The following NFIB variants were observed in gnomAD, a reference collection of about 807,000 sequenced individuals.
The protein encoded by NFIB is nuclear factor 1 B-type.
NFIB carries 11 observed loss-of-function variants against 61.5 expected under a neutral mutation model. The ratio of observed to expected loss-of-function variants is 0.18; its 90% confidence interval spans 0.11 to 0.30. NFIB has a LOEUF of 0.30. NFIB is among the 10% of genes least tolerant of loss of function. NFIB has a pLI of 1.00. For missense variants in NFIB, 471 were observed against 608.9 expected, an observed-to-expected ratio of 0.77 and a Z score of 2.38; for synonymous variants, 260 against 216.5, an observed-to-expected ratio of 1.20 and a Z score of -1.76.
the NFIB span, among the ~76,000 whole-genome samples, chr9:14,467,641 A>G: frequency 6.6e-6 from 1 of 152,210 alleles, no homozygotes; most frequent in Admixed American, 6.5e-5. Context: ...TTCACTCAAT[A>G]TTGATTTACT....
In NFIB at chr9:14,150,234, G is replaced by A. The variant is rs372272958; in HGVS notation, c.717C>T (p.Phe239=). The change falls in exon 5 of 11, where the codon TTC becomes TTT. Residue 239 remains phenylalanine, a synonymous_variant. Coordinates refer to ENST00000380953, the MANE Select transcript of NFIB (RefSeq NM_001190737.2). ...TPITQGTGVN[F]PIGEIPSQPY... ...GTTGGCTTGGGATTTCTCCAATTGG[G>A]AAGTTGACTCCAGTTCCCTGGGTTA... 4 of 1,613,360 alleles carry A rather than the reference G, an allele frequency of 2.5e-6. No individual in the cohort carries two copies. Among genetic ancestry groups the A allele is most frequent in the Non-Finnish European group, 3.4e-6 (4 of 1,179,554 alleles).
the NFIB span, among the ~76,000 whole-genome samples, chr9:14,427,948 T>TTG: frequency 3.9e-4 from 41 of 104,034 alleles, 1 homozygote; most frequent in African/African-American, 1.3e-3. Context: ...TTTTTTTTTT[T>TTG]TTTTTTTTTT....
intron 6 of NFIB, among the ~76,000 whole-genome samples, chr9:14,133,752 C>A (rs748950215): frequency 6.6e-6 from 1 of 152,116 alleles, no homozygotes; most frequent in African/African-American, 2.4e-5. Context: ...ACTATTAAGG[C>A]CAGATTGGGG....
At position 14,167,083 on chromosome 9, in the gene NFIB, C is replaced by CGGGGG. The variant is rs71491636; in HGVS notation, c.617-11195_617-11191dup. The stretch of plus-strand genomic sequence containing the variant: ...AGGGCATATTGTTGTGTGTGTGTGT[C>CGGGGG]GGGGGGGGGGGGTTCCCCTTTTTAA... On this transcript the variant is annotated intron_variant, in intron 3 of 10. Coordinates refer to ENST00000380953, the MANE Select transcript of NFIB (RefSeq NM_001190737.2). Among the ~76,000 whole-genome samples, 37 of 104,600 alleles carry CGGGGG rather than the reference C, an allele frequency of 3.5e-4. 6 individuals are homozygous for CGGGGG. Among genetic ancestry groups the CGGGGG allele is most frequent in the East Asian group, 2.6e-3 (8 of 3,050 alleles). 68.6% of individuals were successfully genotyped at this position (104,600 alleles called of 152,430 possible).
the NFIB span, among the ~76,000 whole-genome samples, chr9:14,488,337 T>C: frequency 6.7e-6 from 1 of 149,810 alleles, no homozygotes; most frequent in African/African-American, 2.5e-5. Context: ...CACTTCAATC[T>C]GGACAACAGA....
At chr9:14,321,654 A>G (rs2060663410) in intron 1 of NFIB, among the ~76,000 whole-genome samples, 1 of 152,184 alleles carries the variant, frequency 6.6e-6, no homozygotes, top group African/African-American at 2.4e-5. Flanking sequence ...AAAATGCTAG[A>G]TTCTGCACCG....
chr9:14,435,649 C>A, the NFIB span, among the ~76,000 whole-genome samples: 2 of 152,190 alleles, frequency 1.3e-5, no homozygotes, highest in African/African-American at 4.8e-5. Flanking sequence ...AAGTTTACAA[C>A]ATTCCATATA....
chr9:14,222,168 T>C (rs909320597), intron 2 of NFIB, among the ~76,000 whole-genome samples: 12 of 152,230 alleles, frequency 7.9e-5, no homozygotes, highest in African/African-American at 2.7e-4. Context: ...TCCAAAACAC[T>C]TTCTACATCC....
At chr9:14,484,055 C>A in the NFIB span, among the ~76,000 whole-genome samples, 1 of 152,168 alleles carries the variant, frequency 6.6e-6, no homozygotes, top group Non-Finnish European at 1.5e-5. Flanking sequence ...GTTTGTTGAT[C>A]ACAGGGATGT....
At chr9:14,283,254 G>C (rs1040966117) in intron 2 of NFIB, among the ~76,000 whole-genome samples, 6 of 152,126 alleles carry the variant, frequency 3.9e-5, no homozygotes, top group African/African-American at 1.4e-4. Flanking sequence ...GGAATGACTC[G>C]CATCAGCCAT....
intron 2 of NFIB, among the ~76,000 whole-genome samples, chr9:14,256,291 A>C (rs886683032): frequency 4.6e-5 from 7 of 152,164 alleles, no homozygotes; most frequent in African/African-American, 1.7e-4. Flanking sequence ...TCCATACCAA[A>C]ACATGGTTAC....
intron 2 of NFIB, among the ~76,000 whole-genome samples, chr9:14,291,358 A>C (rs1206317481): frequency 1.3e-5 from 2 of 151,844 alleles, no homozygotes; most frequent in Non-Finnish European, 2.9e-5. Context: ...GGTGGTATGC[A>C]CCTGTAATCC....
chr9:14,488,222 G>A, the NFIB span, among the ~76,000 whole-genome samples: 3 of 151,972 alleles, frequency 2.0e-5, no homozygotes, highest in Admixed American at 6.6e-5. Context: ...AATTAGCCAG[G>A]TATAGTGGCC....
At chr9:14,323,581 A>G (rs1338481757) in intron 1 of NFIB, among the ~76,000 whole-genome samples, 1 of 152,226 alleles carries the variant, frequency 6.6e-6, no homozygotes, top group Non-Finnish European at 1.5e-5. Context: ...TAATTGCACA[A>G]CAGACGACGA....
chr9:14,526,890 G>C, the NFIB span, among the ~76,000 whole-genome samples: 1 of 152,130 alleles, frequency 6.6e-6, no homozygotes, highest in Non-Finnish European at 1.5e-5. Context: ...TGGAAAAGAG[G>C]ATAGGCAGGC....
chr9:14,355,336 G>C (rs551677757), intron 1 of NFIB, among the ~76,000 whole-genome samples: 29 of 152,268 alleles, frequency 1.9e-4, no homozygotes, highest in Middle Eastern at 6.8e-3. Flanking sequence ...TACAAAGAAA[G>C]AGGCCTCGGA....
intron 1 of NFIB, chr9:14,357,725 A>T (rs1321839866): frequency 6.6e-6 from 1 of 152,234 alleles, no homozygotes; most frequent in African/African-American, 2.4e-5. Flanking sequence ...ATAGCCAAAA[A>T]GGGAAAGCAA....
chr9:14,429,181 G>C, the NFIB span, among the ~76,000 whole-genome samples: 13 of 152,302 alleles, frequency 8.5e-5, no homozygotes, highest in South Asian at 2.1e-3. Context: ...ACTTTGGTAT[G>C]CTGGGAAGTC....
intron 2 of NFIB, among the ~76,000 whole-genome samples, chr9:14,200,590 T>C (rs1404438425): frequency 1.3e-5 from 2 of 152,156 alleles, no homozygotes; most frequent in Admixed American, 6.5e-5. Flanking sequence ...TAAGTATCCC[T>C]AGCTTTTGGA....
Sources: allele counts gnomAD v4.1 joint callset (sites outside exome capture counted in the v4.1 genomes callset), GRCh38; gene constraint gnomAD v4.1.1; transcripts MANE v1.5; gene names NCBI Gene and HGNC (gene_info 2026-07-23, HGNC 2026-07-21).